Variants in CCSER1 observed in about 807,000 individuals in gnomAD.
The protein encoded by CCSER1 is serine-rich coiled-coil domain-containing protein 1.
CCSER1 carries 41 observed loss-of-function variants against 82.0 expected under a neutral mutation model. The observed-to-expected ratio is 0.50, with a 90% CI of 0.39 to 0.65. The LOEUF (loss-of-function observed/expected upper bound fraction) is 0.65. Among genes scored for constraint, CCSER1 ranks in the 30% least tolerant of loss-of-function variants. The probability of loss-of-function intolerance (pLI) is 0.00; values close to 1 mark genes in which losing one functional copy is unlikely to be tolerated. For synonymous variants in CCSER1, 414 were observed against 383.9 expected, an observed-to-expected ratio of 1.08 and a Z score of -0.92; for missense variants, 1,119 against 1,064.2, an observed-to-expected ratio of 1.05 and a Z score of -0.72.
intron 7 of CCSER1, among the ~76,000 whole-genome samples, chr4:90,768,773 A>G (rs1349024748): frequency 6.6e-6 from 1 of 152,180 alleles, no homozygotes; most frequent in Non-Finnish European, 1.5e-5. Flanking sequence ...AAAAGACTGG[A>G]CGATTTGCCT....
chr4:90,271,206 A>G (rs552110018), intron 1 of CCSER1, among the ~76,000 whole-genome samples: 1 of 152,264 alleles, frequency 6.6e-6, no homozygotes, highest in South Asian at 2.1e-4. Context: ...AAAGAAGAAG[A>G]CTGGAGGAAT....
intron 7 of CCSER1, among the ~76,000 whole-genome samples, chr4:90,751,057 G>T (rs960405702): frequency 6.6e-6 from 1 of 151,960 alleles, no homozygotes; most frequent in South Asian, 2.1e-4. Flanking sequence ...TTTAACGAAA[G>T]GTTCAGTGAA....
intron 9 of CCSER1, among the ~76,000 whole-genome samples, chr4:91,041,664 G>A (rs1330252950): frequency 3.9e-5 from 6 of 152,118 alleles, no homozygotes; most frequent in African/African-American, 1.2e-4. Context: ...AAAAAAAAAT[G>A]TAAGCACCTT....
chr4:91,101,651 G>A (rs911409370), intron 10 of CCSER1, among the ~76,000 whole-genome samples: 1 of 147,268 alleles, frequency 6.8e-6, no homozygotes, highest in Non-Finnish European at 1.5e-5. Flanking sequence ...AAAAAGACCA[G>A]GTTGGGGGCC....
chr4:90,667,704 G>GGT (rs756632872), intron 6 of CCSER1, among the ~76,000 whole-genome samples: 4 of 152,046 alleles, frequency 2.6e-5, no homozygotes, highest in Non-Finnish European at 5.9e-5. Flanking sequence ...AGTATCCCAT[G>GGT]GTGTATATGT....
intron 10 of CCSER1, among the ~76,000 whole-genome samples, chr4:91,159,539 A>G (rs887769374): frequency 2.6e-5 from 4 of 152,088 alleles, no homozygotes; most frequent in Middle Eastern, 6.8e-3. Context: ...TACATTAGGT[A>G]TTATTGGATC....
chr4:91,077,420 C>T (rs925431852), intron 9 of CCSER1, among the ~76,000 whole-genome samples: 1 of 152,076 alleles, frequency 6.6e-6, no homozygotes, highest in Non-Finnish European at 1.5e-5. Context: ...AATTACTGGA[C>T]ATGAGAAAAA....
intron 8 of CCSER1, among the ~76,000 whole-genome samples, chr4:90,822,431 A>G (rs1759859055): frequency 6.6e-6 from 1 of 152,136 alleles, no homozygotes; most frequent in Admixed American, 6.6e-5. Flanking sequence ...TATTTCTGTA[A>G]AAACATATGT....
At chr4:90,281,912 C>A (rs766739828) in intron 1 of CCSER1, among the ~76,000 whole-genome samples, 1 of 151,956 alleles carries the variant, frequency 6.6e-6, no homozygotes, top group Non-Finnish European at 1.5e-5. Context: ...TGGGAATACC[C>A]GTGATTGACT....
intron 1 of CCSER1, among the ~76,000 whole-genome samples, chr4:90,156,026 C>T (rs1393662253): frequency 5.9e-5 from 9 of 152,062 alleles, no homozygotes; most frequent in Admixed American, 5.9e-4. Context: ...ATAAATTTCC[C>T]TCTACACACT....
chr4:90,307,016 G>C (rs191101679), intron 1 of CCSER1, among the ~76,000 whole-genome samples: 2 of 152,246 alleles, frequency 1.3e-5, no homozygotes, highest in Admixed American at 1.3e-4. Flanking sequence ...TATGTATCAT[G>C]CTGATTATGA....
At chr4:90,177,877 C>A (rs945196873) in intron 1 of CCSER1, among the ~76,000 whole-genome samples, 2 of 152,012 alleles carry the variant, frequency 1.3e-5, no homozygotes, top group African/African-American at 4.8e-5. Context: ...GTAAGCCTGG[C>A]AAATACAGGT....
intron 3 of CCSER1, among the ~76,000 whole-genome samples, chr4:90,389,078 A>G (rs750238645): frequency 4.6e-5 from 7 of 152,322 alleles, no homozygotes; most frequent in Non-Finnish European, 1.0e-4. Flanking sequence ...TAAGAACTAC[A>G]ACGATTTTTA....
intron 8 of CCSER1, among the ~76,000 whole-genome samples, chr4:90,840,517 C>T (rs1762448676): frequency 6.6e-6 from 1 of 152,190 alleles, no homozygotes; most frequent in Admixed American, 6.5e-5. Flanking sequence ...CATCCTCCCA[C>T]TAGGTATCTA....
chr4:91,554,668 A>G (rs1453626907), intron 10 of CCSER1, among the ~76,000 whole-genome samples: 1 of 151,304 alleles, frequency 6.6e-6, no homozygotes, highest in Non-Finnish European at 1.5e-5. Context: ...AAAAATTCCA[A>G]TGGTATTTTT....
chr4:91,350,251 A>G (rs891444581), intron 10 of CCSER1, among the ~76,000 whole-genome samples: 7 of 152,184 alleles, frequency 4.6e-5, no homozygotes, highest in Non-Finnish European at 7.4e-5. Context: ...TGAATCTACC[A>G]GTTTGCATTT....
intron 10 of CCSER1, among the ~76,000 whole-genome samples, chr4:91,471,476 C>T (rs1296861673): frequency 6.6e-6 from 1 of 152,060 alleles, no homozygotes; most frequent in Non-Finnish European, 1.5e-5. Context: ...TCTGGATGTG[C>T]TACTCTCACG....
intron 9 of CCSER1, among the ~76,000 whole-genome samples, chr4:90,946,467 C>G (rs537671195): frequency 6.6e-6 from 1 of 152,110 alleles, no homozygotes; most frequent in South Asian, 2.1e-4. Flanking sequence ...CTTGTCTCTA[C>G]TAAAAATACG....
chr4:91,105,434 A>G (rs568911952), intron 10 of CCSER1, among the ~76,000 whole-genome samples: 50 of 152,082 alleles, frequency 3.3e-4, no homozygotes, highest in Middle Eastern at 3.4e-3. Context: ...GGCCAGGCAC[A>G]GTGGCTCATG....
Sources: allele counts gnomAD v4.1 joint callset (sites outside exome capture counted in the v4.1 genomes callset), GRCh38; gene constraint gnomAD v4.1.1; transcripts MANE v1.5; gene names NCBI Gene and HGNC (gene_info 2026-07-23, HGNC 2026-07-21).